ARHGAP15: variants seen among roughly 807,000 people sequenced by gnomAD.
The protein encoded by ARHGAP15 is rho GTPase-activating protein 15.
A neutral mutation model predicts 63.7 loss-of-function variants in ARHGAP15; 51 were observed. The observed-to-expected ratio is 0.80, with a 90% confidence interval of 0.64 to 1.01. ARHGAP15 has a LOEUF of 1.01. ARHGAP15 is among the 50% of genes least tolerant of loss of function. ARHGAP15 has a pLI of 0.00. For missense variants in ARHGAP15, 560 were observed against 564.6 expected (o/e 0.99, Z 0.08); for synonymous variants, 191 against 193.8 (o/e 0.99, Z 0.12).
intron 6 of ARHGAP15, among the ~76,000 whole-genome samples, chr2:143,336,195 G>C (rs1292166900): frequency 3.9e-5 from 6 of 152,014 alleles, no homozygotes; most frequent in African/African-American, 1.4e-4. Context: ...TTTTTGTAGA[G>C]ACAAGATTTC....
At chr2:143,687,242 T>A (rs1397438948) in intron 12 of ARHGAP15, among the ~76,000 whole-genome samples, 1 of 152,162 alleles carries the variant, frequency 6.6e-6, no homozygotes, top group Non-Finnish European at 1.5e-5. Context: ...TCAATACAAA[T>A]ATTTTGAAAT....
At chr2:143,755,932 C>A (rs1169050144) in intron 13 of ARHGAP15, among the ~76,000 whole-genome samples, 2 of 151,930 alleles carry the variant, frequency 1.3e-5, no homozygotes, top group African/African-American at 4.8e-5. Flanking sequence ...TGCCACTGCA[C>A]TCCAGCCTGG....
At chr2:143,656,955 GTGT>G (rs1419110330) in intron 12 of ARHGAP15, among the ~76,000 whole-genome samples, 21 of 151,750 alleles carry the variant, frequency 1.4e-4, no homozygotes, top group African/African-American at 5.1e-4. Flanking sequence ...GTGTGTGTGT[GTGT>G]GTGTGTGTGT....
chr2:143,740,850 T>G (rs1180210122), intron 13 of ARHGAP15, among the ~76,000 whole-genome samples: 1 of 152,188 alleles, frequency 6.6e-6, no homozygotes, highest in East Asian at 1.9e-4. Flanking sequence ...GGATTTACAC[T>G]GCCTTTTGTT....
chr2:143,351,620 T>G (rs916881045), intron 6 of ARHGAP15, among the ~76,000 whole-genome samples: 1 of 152,180 alleles, frequency 6.6e-6, no homozygotes, highest in Admixed American at 6.5e-5. Context: ...GGATAGGCGA[T>G]GTCTATGGTA....
At chr2:143,318,509 CTTTTTTTTTTTT>C (rs535910161) in intron 6 of ARHGAP15, among the ~76,000 whole-genome samples, 70 of 55,638 alleles carry the variant, frequency 1.3e-3, no homozygotes, top group African/African-American at 4.6e-3. Context: ...GATTAAGGGC[CTTTTTTTTTTTT>C]TTTTTTTTTT....
intron 6 of ARHGAP15, among the ~76,000 whole-genome samples, chr2:143,268,160 A>G (rs897418715): frequency 8.0e-4 from 122 of 151,614 alleles, no homozygotes; most frequent in African/African-American, 2.9e-3. Context: ...TGGCAAACTA[A>G]TTTTATAGAG....
chr2:143,688,146 T>C (rs1683433253), intron 12 of ARHGAP15, among the ~76,000 whole-genome samples: 2 of 152,212 alleles, frequency 1.3e-5, no homozygotes, highest in Admixed American at 6.5e-5. Flanking sequence ...AAAATTCATA[T>C]GTAATACCTA....
intron 6 of ARHGAP15, among the ~76,000 whole-genome samples, chr2:143,430,288 A>G (rs1427829804): frequency 2.0e-5 from 3 of 152,038 alleles, no homozygotes; most frequent in Non-Finnish European, 4.4e-5. Flanking sequence ...ATTTTTGGAA[A>G]GGCAAATTGA....
At chr2:143,418,273 G>T (rs1287648574) in intron 6 of ARHGAP15, among the ~76,000 whole-genome samples, 8 of 152,150 alleles carry the variant, frequency 5.3e-5, no homozygotes, top group Non-Finnish European at 1.2e-4. Flanking sequence ...CTTGTGCTGA[G>T]CCTTTCCTTT....
intron 10 of ARHGAP15, among the ~76,000 whole-genome samples, chr2:143,547,641 C>T (rs1156560691): frequency 6.7e-6 from 1 of 148,418 alleles, no homozygotes; most frequent in African/African-American, 2.5e-5. Context: ...AATAATGAGG[C>T]AAGACAGTGG....
At chr2:143,335,975 A>T (rs962385320) in intron 6 of ARHGAP15, among the ~76,000 whole-genome samples, 4 of 151,824 alleles carry the variant, frequency 2.6e-5, no homozygotes, top group African/African-American at 7.3e-5. Flanking sequence ...GAAAATGATG[A>T]TAGTTTTTAT....
rs79647117 is a variant in ARHGAP15 at position 143,501,388 on chromosome 2, T to G, written c.826+13893T>G. Among the ~76,000 whole-genome samples, 1,125 of 152,338 alleles carry G rather than the reference T, an allele frequency of 7.4e-3. 37 individuals carry two copies. The highest frequency in any genetic ancestry group is 0.073 in the East Asian group (376 of 5,186). On this transcript the variant is annotated intron_variant, in intron 9 of 13. Coordinates refer to ENST00000295095, the MANE Select transcript of ARHGAP15 (RefSeq NM_018460.4). ...ATTAGCATAGGAGACCATTTGATAT[T>G]ACATAAAGAATTTGACAGGACCTCA...
intron 6 of ARHGAP15, among the ~76,000 whole-genome samples, chr2:143,411,557 C>T (rs1688447412): frequency 6.6e-6 from 1 of 152,082 alleles, no homozygotes; most frequent in South Asian, 2.1e-4. Context: ...AATATAAGGA[C>T]CCTATGTGTT....
At chr2:143,718,500 GT>G (rs1249309547) in intron 13 of ARHGAP15, among the ~76,000 whole-genome samples, 1 of 152,144 alleles carries the variant, frequency 6.6e-6, no homozygotes, top group African/African-American at 2.4e-5. Flanking sequence ...TCATTAATAT[GT>G]AAAAAGAAAG....
chr2:143,407,048 GA>G (rs1688227605), intron 6 of ARHGAP15, among the ~76,000 whole-genome samples: 1 of 151,846 alleles, frequency 6.6e-6, no homozygotes, highest in Admixed American at 6.6e-5. Context: ...CTACATGGAG[GA>G]AAAAAATCTG....
At chr2:143,201,527 C>T (rs62171698) in intron 2 of ARHGAP15, among the ~76,000 whole-genome samples, 2 of 151,696 alleles carry the variant, frequency 1.3e-5, no homozygotes, top group East Asian at 1.9e-4. Flanking sequence ...CATTTGGGGG[C>T]GCTGTAAAAC....
At chr2:143,174,446 AAAAG>A (rs1690928827) in intron 2 of ARHGAP15, among the ~76,000 whole-genome samples, 1 of 152,180 alleles carries the variant, frequency 6.6e-6, no homozygotes, top group Non-Finnish European at 1.5e-5. Flanking sequence ...TTTTTTTAAA[AAAAG>A]AAACATACAA....
At chr2:143,706,470 G>C (rs1231879611) in intron 13 of ARHGAP15, 1 of 152,068 alleles carries the variant, frequency 6.6e-6, no homozygotes, top group Non-Finnish European at 1.5e-5. Context: ...CTTGACCTAC[G>C]TACTCTACAG....
Sources: allele counts gnomAD v4.1 joint callset (sites outside exome capture counted in the v4.1 genomes callset), GRCh38; gene constraint gnomAD v4.1.1; transcripts MANE v1.5; gene names NCBI Gene and HGNC (gene_info 2026-07-23, HGNC 2026-07-21).